Variants in CRACR2B observed in about 807,000 individuals in gnomAD.
CRACR2B encodes the protein calcium release activated channel regulator 2B, also known as EF-hand calcium-binding domain-containing protein 4A.
In CRACR2B, 50 loss-of-function variants were observed where a neutral mutation model predicts 46.0. The ratio of observed to expected loss-of-function variants is 1.09; its 90% CI spans 0.87 to 1.38. The LOEUF is 1.38. CRACR2B is among the 40% of genes most tolerant of loss of function. The probability of loss-of-function intolerance (pLI) is 0.00; values close to 1 mark genes in which losing one functional copy is unlikely to be tolerated. For missense variants in CRACR2B, 667 were observed against 535.0 expected (o/e 1.25, Z -2.43); for synonymous variants, 277 against 239.6 (o/e 1.16, Z -1.44).
At chr11:829,842 G>A (rs1236546807) in intron 3 of CRACR2B, 144 bp from the exon 4 acceptor site, 3 of 1,399,638 alleles carry the variant, frequency 2.1e-6, no homozygotes, top group African/African-American at 1.5e-5. Flanking sequence ...GGGCGAAAGC[G>A]CTCACGGGAG....
chr11:828,552 C>A lies in CRACR2B; in HGVS notation c.-56C>A, dbSNP rs574851252. On this transcript the variant is annotated 5_prime_UTR_variant, in exon 1 of 9. It adds an upstream start codon to the 5' untranslated region. Coordinates refer to ENST00000525077, the MANE Select transcript of CRACR2B (RefSeq NM_001286606.2). The stretch of plus-strand genomic sequence containing the variant: ...CATCCGCTCCCCTCCTGAATTTCTT[C>A]TGACCCTCCCTTGGCTTCACAGCAC... The A allele has an allele frequency of 7.9e-6, 12 of 1,521,830 alleles. 1 individual carries two copies. The South Asian group carries it at 1.5e-4, about 19-fold the overall frequency. 94.3% of individuals were successfully genotyped at this position (1,521,830 alleles called of 1,614,324 possible). A position where few individuals can be genotyped will look rare whatever the true frequency, so the allele number is the denominator to read the frequency against.
In CRACR2B at chr11:830,716, G is replaced by T; in HGVS notation, c.786+3G>T. 5 of 1,529,512 alleles carry T rather than the reference G, an allele frequency of 3.3e-6. No individual in the cohort carries two copies. Among genetic ancestry groups the T allele is most frequent in the Non-Finnish European group, 4.4e-6 (5 of 1,139,680 alleles). 94.7% of individuals were successfully genotyped at this position (1,529,512 alleles called of 1,614,324 possible). ...GCGCGGGCCTGCGGCAGCGGGAGGT[G>T]AGCACCCGGCCCCTGCCCTGTCCCC... is the stretch of plus-strand genomic sequence containing the variant. On this transcript the variant is annotated splice_donor_region_variant and intron_variant, in intron 6 of 8. Coordinates refer to ENST00000525077, the MANE Select transcript of CRACR2B (RefSeq NM_001286606.2).
chr11:829,812 C>A, intron 3 of CRACR2B, 174 bp from the exon 4 acceptor site: 2 of 1,294,800 alleles, frequency 1.5e-6, no homozygotes, highest in South Asian at 3.1e-5. Context: ...CACACCTCAC[C>A]GACCACGCAC....
upstream of CRACR2B, chr11:826,387 C>T (rs1359607811): frequency 6.6e-6 from 1 of 152,222 alleles, no homozygotes; most frequent in Non-Finnish European, 1.5e-5. Context: ...TCCAATCCTC[C>T]CCCAAGGGGA....
chr11:829,153 G>C (rs1846167498), intron 2 of CRACR2B, 190 bp downstream of exon 2: 1 of 1,283,956 alleles, frequency 7.8e-7, no homozygotes, highest in East Asian at 2.5e-5. Context: ...GACCTTCCTG[G>C]CCCCCAGCTC....
In CRACR2B at chr11:830,079, C is replaced by T. The variant is rs756145796; in HGVS notation, c.552C>T (p.Ala184=). Residue 184 remains alanine (A), a synonymous_variant, in exon 4 of 9, where the codon GCC becomes GCT. Coordinates refer to ENST00000525077, the MANE Select transcript of CRACR2B (RefSeq NM_001286606.2). Reference sequence around the variant, plus strand: ...AGGATGTTCTGATACGCGCGTCGGCCTGCCTGGAGGAGGCGGCCCGGGAGC... The same window carrying T: ...AGGATGTTCTGATACGCGCGTCGGCTTGCCTGGAGGAGGCGGCCCGGGAGC... ...SFEDVLIRAS[A]CLEEAARERD... 9.0e-6 allele frequency: 14 copies of T among 1,548,932 alleles called. No homozygotes were observed. The highest frequency in any genetic ancestry group is 1.2e-5 in the Non-Finnish European group (14 of 1,152,266).
rs769099541 is a variant in CRACR2B at position 828,607 on chromosome 11, C to T, written c.-1C>T. 5 of 1,588,096 alleles carry T rather than the reference C, an allele frequency of 3.1e-6. No homozygotes were observed. Among genetic ancestry groups the T allele is most frequent in the Middle Eastern group, 1.9e-4 (1 of 5,162 alleles). On this transcript the variant is annotated 5_prime_UTR_variant, in exon 1 of 9. Transcript: ENST00000525077. ...AGGCCAGGCTGAGGCCCCCTGCTCT[C>T]ATGGCCAGCCCTGGAAAGCCTGGGG...
At chr11:831,075 G>C (rs1171683181) in intron 7 of CRACR2B, 43 bp downstream of exon 7, 1 of 1,539,078 alleles carries the variant, frequency 6.5e-7, no homozygotes, top group Non-Finnish European at 8.7e-7. Flanking sequence ...GCGTGTCCCG[G>C]GGGCGGGGCC....
Position 831,701 on chromosome 11 carries a change from G to T in CRACR2B, c.1192G>T (p.Ala398Ser). The T allele has an allele frequency of 1.3e-6, 2 of 1,509,014 alleles. No homozygotes were observed. Among genetic ancestry groups the T allele is most frequent in the Non-Finnish European group, 1.8e-6 (2 of 1,138,056 alleles). The allele number at this position is 1,509,014 out of a possible 1,614,324, so 93.5% of individuals were successfully genotyped here. ...PRRGSGHLPS[A>S]R ...ACGCGGCTCTGGCCACCTTCCCAGT[G>T]CCCGGTGACCAGCCCCGAGTGACTC... The change falls in exon 9 of 9, where the codon GCC becomes TCC. Residue 398 changes from alanine (A) to serine (S), a missense_variant. Transcript: ENST00000525077.
chr11:831,387 T>G (rs1307598002), intron 8 of CRACR2B, 92 bp downstream of exon 8: 45 of 1,503,428 alleles, frequency 3.0e-5, no homozygotes, highest in Non-Finnish European at 4.0e-5. Flanking sequence ...CTCTACTCCA[T>G]TGGAAGTCCT....
In CRACR2B at chr11:830,345, T is replaced by C; in HGVS notation, c.693+8T>C. On this transcript the variant is annotated splice_region_variant and intron_variant, in intron 5 of 8. Transcript: ENST00000525077. ...CGGCGCCCGCCGAGTCAGGTGGGCC[T>C]CGGGCCCCGCCCCTCCCGCCAGGCC... 1 of 1,535,426 alleles carries C rather than the reference T, an allele frequency of 6.5e-7. No homozygotes were observed. Among genetic ancestry groups the C allele is most frequent in the Non-Finnish European group, 8.7e-7 (1 of 1,145,488 alleles).
chr11:828,513 AC>A lies in CRACR2B; in HGVS notation c.-94del. 1 of 1,401,558 alleles carries A rather than the reference AC, an allele frequency of 7.1e-7. No homozygotes were observed. The highest frequency in any genetic ancestry group is 9.4e-7 in the Non-Finnish European group (1 of 1,069,188). The allele number at this position is 1,401,558 out of a possible 1,614,324, so 86.8% of individuals were successfully genotyped here. ...GGAGGGCCCTCGGCTGAGCCTTCAG[AC>A]ACACTTGCACCCCATCCGCTCCCCT... On this transcript the variant is annotated 5_prime_UTR_variant, in exon 1 of 9. Transcript: ENST00000525077.
upstream of CRACR2B, chr11:827,184 C>T (rs921114491): frequency 1.3e-5 from 2 of 152,320 alleles, no homozygotes; most frequent in Non-Finnish European, 2.9e-5. Flanking sequence ...GTCTCGGTGC[C>T]TGCGAAGCGG....
chr11:829,451 C>A lies in CRACR2B; in HGVS notation c.369C>A (p.Gly123=). The A allele has an allele frequency of 6.2e-7, 1 of 1,610,080 alleles. No individual in the cohort carries two copies. The highest frequency in any genetic ancestry group is 8.5e-7 in the Non-Finnish European group (1 of 1,178,954). The change falls in exon 3 of 9, where the codon GGC becomes GGA. Residue 123 remains glycine, a synonymous_variant. Transcript: ENST00000525077. ...AGTCGGGCGGGCTCGACGTGCAGGG[C>A]ACGGCGGGCTCTCTGGATGAGGAGG... ...TFESGGLDVQ[G]TAGSLDEEEE...
rs1466916896 is a variant in CRACR2B at position 831,362 on chromosome 11, C to T, written c.1025+67C>T. 3.2e-6 allele frequency: 5 copies of T among 1,542,226 alleles called. No homozygotes were observed. In the Admixed American group the frequency reaches 9.2e-5, roughly 28 times the overall value. ...AGCTTGGGGGCTCCCAGCTCCCCAA[C>T]ATTCTTGGCTGCCGCTCTACTCCAT... is the stretch of plus-strand genomic sequence containing the variant. On this transcript the variant is annotated intron_variant, in intron 8 of 8. Transcript: ENST00000525077.
chr11:830,188 G>T, intron 4 of CRACR2B, 56 bp downstream of exon 4: 1 of 1,494,694 alleles, frequency 6.7e-7, no homozygotes. Context: ...CAGCAGCAGA[G>T]GCGGTGCCAG....
rs753331237 is a variant in CRACR2B, at chr11:830,677, G to A, written c.750G>A (p.Glu250=). ...SRLELELQSR[E]QDLERAGLRQ... ...TGGAGCTGGAGCTGCAGAGCCGCGA[G>A]CAGGACCTGGAACGCGCGGGCCTGC... The change falls in exon 6 of 9, where the codon GAG becomes GAA. Residue 250 remains glutamate (E), a synonymous_variant. Coordinates refer to ENST00000525077, the MANE Select transcript of CRACR2B (RefSeq NM_001286606.2). The A allele has an allele frequency of 1.9e-6, 3 of 1,545,580 alleles. No homozygotes were observed. Among genetic ancestry groups the A allele is most frequent in the East Asian group, 2.4e-5 (1 of 40,854 alleles).
intron 5 of CRACR2B, 87 bp from the exon 6 acceptor site, chr11:830,534 G>A (rs756944230): frequency 3.2e-5 from 49 of 1,544,162 alleles, no homozygotes; most frequent in Non-Finnish European, 4.1e-5. Context: ...CTCCGCCCGG[G>A]CCCACTCCCA....
In CRACR2B at chr11:831,781, GC is replaced by G; in HGVS notation, c.*75del. On this transcript the variant is annotated 3_prime_UTR_variant, in exon 9 of 9. Coordinates refer to ENST00000525077, the MANE Select transcript of CRACR2B (RefSeq NM_001286606.2). ...AGGAGGCTTGTCATGGGTCGGGGGTGCCCACTCAGGATGCAGGCTCTCCCCA... is the reference window on the plus strand; with the variant it reads ...AGGAGGCTTGTCATGGGTCGGGGGTGCCACTCAGGATGCAGGCTCTCCCCA... The G allele has an allele frequency of 6.9e-7, 1 of 1,439,512 alleles. No individual in the cohort carries two copies. Among genetic ancestry groups the G allele is most frequent in the Non-Finnish European group, 9.1e-7 (1 of 1,103,274 alleles). 89.2% of individuals were successfully genotyped at this position (1,439,512 alleles called of 1,614,324 possible).
Sources: gnomAD v4.1 joint callset for allele counts on GRCh38, gnomAD v4.1.1 for gene constraint, MANE v1.5 for transcripts, NCBI Gene and HGNC (gene_info 2026-07-23, HGNC 2026-07-21) for gene names.